Variants in GRID1 observed in about 807,000 individuals in gnomAD.
The protein encoded by GRID1 is glutamate ionotropic receptor delta type subunit 1, also known as glutamate receptor ionotropic, delta-1.
GRID1 carries 28 observed loss-of-function variants against 98.0 expected under a neutral mutation model. That is an observed-to-expected ratio of 0.29 (90% CI 0.21 to 0.39). The LOEUF (loss-of-function observed/expected upper bound fraction) is 0.39. GRID1 is among the 10% of genes least tolerant of loss of function. GRID1 has a pLI of 1.00. For synonymous variants in GRID1, 553 were observed against 538.5 expected, an observed-to-expected ratio of 1.03 and a Z score of -0.37; for missense variants, 1,111 against 1,340.5, an observed-to-expected ratio of 0.83 and a Z score of 2.67.
chr10:86,232,301 C>T (rs973783110), intron 2 of GRID1, among the ~76,000 whole-genome samples: 1 of 152,190 alleles, frequency 6.6e-6, no homozygotes, highest in South Asian at 2.1e-4. Flanking sequence ...GCTCCCGCTC[C>T]CTCAGGAACT....
chr10:85,879,736 T>G (rs975052855), intron 5 of GRID1, among the ~76,000 whole-genome samples: 1 of 151,914 alleles, frequency 6.6e-6, no homozygotes, highest in African/African-American at 2.4e-5. Context: ...GCAAATACAT[T>G]CAAAAGCTAG....
chr10:85,681,253 G>C (rs890196960), intron 12 of GRID1, among the ~76,000 whole-genome samples: 2 of 151,886 alleles, frequency 1.3e-5, no homozygotes, highest in Non-Finnish European at 2.9e-5. Flanking sequence ...TCTAAACCCA[G>C]GAAAAGAGCA....
chr10:86,240,754 TAAC>T (rs1846615766), intron 2 of GRID1, among the ~76,000 whole-genome samples: 1 of 152,146 alleles, frequency 6.6e-6, no homozygotes, highest in African/African-American at 2.4e-5. Flanking sequence ...AGGGTGAACC[TAAC>T]AACATGTGGC....
At chr10:86,196,518 G>A (rs1170453919) in intron 3 of GRID1, among the ~76,000 whole-genome samples, 1 of 152,062 alleles carries the variant, frequency 6.6e-6, no homozygotes, top group Non-Finnish European at 1.5e-5. Context: ...AGTTGCCAGT[G>A]TGCCCAGAAG....
chr10:85,808,255 G>A (rs1842640279), intron 8 of GRID1, among the ~76,000 whole-genome samples: 2 of 152,166 alleles, frequency 1.3e-5, no homozygotes, highest in African/African-American at 4.8e-5. Context: ...GTTTTGCATG[G>A]AAATCAAACA....
At chr10:85,799,636 T>C (rs1842557695) in intron 8 of GRID1, among the ~76,000 whole-genome samples, 1 of 152,070 alleles carries the variant, frequency 6.6e-6, no homozygotes, top group South Asian at 2.1e-4. Context: ...AAATGTCACA[T>C]GGTCTCACTC....
chr10:86,186,644 G>T (rs576709867), intron 3 of GRID1, among the ~76,000 whole-genome samples: 1 of 152,138 alleles, frequency 6.6e-6, no homozygotes, highest in Non-Finnish European at 1.5e-5. Context: ...GGAAAATGGG[G>T]CCAAAAGTAC....
rs370595681 is a variant in GRID1 at position 86,242,256 on chromosome 10, C to T, written c.236-35608G>A. ...TTCCTGGCAGAAGGAACAACACATA[C>T]GAAGATCGGAGGAGGACAATGGCAT... On this transcript the variant is annotated intron_variant, in intron 2 of 15. Coordinates refer to ENST00000327946, the MANE Select transcript of GRID1 (RefSeq NM_017551.3). Among the ~76,000 whole-genome samples, 11 of 152,256 alleles carry T rather than the reference C, an allele frequency of 7.2e-5. No individual in the cohort carries two copies. The South Asian group carries it at 1.2e-3, about 17-fold the overall frequency.
chr10:86,307,992 T>C (rs1020976945), intron 2 of GRID1, among the ~76,000 whole-genome samples: 2 of 152,110 alleles, frequency 1.3e-5, no homozygotes, highest in African/African-American at 4.8e-5. Flanking sequence ...GTGCAGGGGA[T>C]CCCCGGAACT....
At chr10:86,026,939 T>C (rs1843123727) in intron 4 of GRID1, among the ~76,000 whole-genome samples, 1 of 152,284 alleles carries the variant, frequency 6.6e-6, no homozygotes, top group South Asian at 2.1e-4. Context: ...CTCTCACAGC[T>C]GCGTGGAGAC....
chr10:86,332,771 C>T lies in GRID1; in HGVS notation c.235+31170G>A, dbSNP rs373628666. Among the ~76,000 whole-genome samples, 1,090 of 144,740 alleles carry T rather than the reference C, an allele frequency of 7.5e-3. 16 individuals are homozygous for T. The highest frequency in any genetic ancestry group is 0.043 in the Middle Eastern group (12 of 280). 95.0% of individuals were successfully genotyped at this position (144,740 alleles called of 152,430 possible). ...TACACCGACCTCACATCTTCCCCTG[C>T]TCCTCCCTGACTCCTCATCTCAAAG... On this transcript the variant is annotated intron_variant, in intron 2 of 15. Transcript: ENST00000327946.
intron 4 of GRID1, among the ~76,000 whole-genome samples, chr10:85,995,215 T>A (rs1015758763): frequency 1.3e-5 from 2 of 152,212 alleles, no homozygotes; most frequent in Non-Finnish European, 2.9e-5. Context: ...CAATAATCTA[T>A]CACTAGTCGT....
chr10:85,731,900 G>A, intron 8 of GRID1, among the ~76,000 whole-genome samples: 1 of 147,706 alleles, frequency 6.8e-6, no homozygotes, highest in Non-Finnish European at 1.5e-5. Flanking sequence ...AGGGAGGGAG[G>A]GAGAAAGAAA....
At chr10:86,289,516 T>A (rs533643470) in intron 2 of GRID1, among the ~76,000 whole-genome samples, 2 of 151,546 alleles carry the variant, frequency 1.3e-5, no homozygotes, top group South Asian at 4.2e-4. Context: ...CCAGCCCCCA[T>A]GCCCCCAACT....
chr10:85,615,830 A>G (rs763596956), intron 14 of GRID1, among the ~76,000 whole-genome samples: 9 of 152,190 alleles, frequency 5.9e-5, no homozygotes, highest in Non-Finnish European at 8.8e-5. Context: ...TGGCAGTTGC[A>G]GGAACCTCAG....
intron 3 of GRID1, among the ~76,000 whole-genome samples, chr10:86,190,160 G>A (rs1401212920): frequency 1.3e-5 from 2 of 152,092 alleles, no homozygotes; most frequent in African/African-American, 2.4e-5. Context: ...CCCCAAGCAG[G>A]TCACAAACAC....
chr10:86,042,673 G>A (rs528497636), intron 4 of GRID1, among the ~76,000 whole-genome samples: 35 of 152,266 alleles, frequency 2.3e-4, no homozygotes, highest in Non-Finnish European at 2.9e-4. Context: ...AGGAGGTGGT[G>A]GCCCTGCCCT....
chr10:86,273,174 G>A (rs990846638), intron 2 of GRID1, among the ~76,000 whole-genome samples: 1 of 149,776 alleles, frequency 6.7e-6, no homozygotes, highest in Non-Finnish European at 1.5e-5. Flanking sequence ...TTGGTTTTTT[G>A]CCCTTGCGAT....
intron 2 of GRID1, 35 bp downstream of exon 2, chr10:86,363,906 T>C: frequency 6.3e-7 from 1 of 1,592,242 alleles, no homozygotes; most frequent in Non-Finnish European, 8.6e-7. Flanking sequence ...TCGCAGGCCG[T>C]GTCCCAGTGG....
Sources: allele counts gnomAD v4.1 joint callset (sites outside exome capture counted in the v4.1 genomes callset), GRCh38; gene constraint gnomAD v4.1.1; transcripts MANE v1.5; gene names NCBI Gene and HGNC (gene_info 2026-07-23, HGNC 2026-07-21).